The following DPP6 variants were observed in gnomAD, a reference collection of about 807,000 sequenced individuals.
DPP6 encodes the protein dipeptidyl peptidase like 6.
Under a neutral mutation model 122.6 loss-of-function variants are expected in DPP6, and 69 were observed. The ratio of observed to expected loss-of-function variants is 0.56; its 90% CI spans 0.46 to 0.69. DPP6 has a LOEUF of 0.69. Among genes scored for constraint, DPP6 ranks in the 30% least tolerant of loss-of-function variants. The pLI, the probability that DPP6 is intolerant of heterozygous loss-of-function variation, is 0.00. For synonymous variants in DPP6, 418 were observed against 433.1 expected (o/e 0.97, Z 0.43); for missense variants, 928 against 1,116.9 (o/e 0.83, Z 2.41).
intron 1 of DPP6, among the ~76,000 whole-genome samples, chr7:153,928,182 G>A (rs1800993084): frequency 6.6e-6 from 1 of 151,402 alleles, no homozygotes; most frequent in Non-Finnish European, 1.5e-5. Flanking sequence ...AATAGATTTG[G>A]TGTCTACTGA....
intron 1 of DPP6, among the ~76,000 whole-genome samples, chr7:154,090,630 G>A (rs1218085667): frequency 6.6e-6 from 1 of 151,948 alleles, no homozygotes; most frequent in East Asian, 1.9e-4. Context: ...GCAGAGGCTG[G>A]ACTTGCTGCT....
chr7:154,114,287 TG>T (rs1242910943), intron 1 of DPP6, among the ~76,000 whole-genome samples: 2 of 152,172 alleles, frequency 1.3e-5, no homozygotes, highest in African/African-American at 4.8e-5. Flanking sequence ...GGCCCTGTCA[TG>T]CACTGGCTGA....
chr7:154,659,507 G>A (rs1258457392), intron 6 of DPP6, among the ~76,000 whole-genome samples: 1 of 152,202 alleles, frequency 6.6e-6, no homozygotes, highest in Non-Finnish European at 1.5e-5. Context: ...ATATCTGCTA[G>A]GAAGCTCTGT....
At chr7:154,070,197 G>T (rs1342518254) in intron 1 of DPP6, among the ~76,000 whole-genome samples, 1 of 145,710 alleles carries the variant, frequency 6.9e-6, no homozygotes, top group Non-Finnish European at 1.5e-5. Flanking sequence ...TCCATACCGA[G>T]GTATCAGGTA....
chr7:154,643,698 G>C (rs1030333396), intron 6 of DPP6, among the ~76,000 whole-genome samples: 4 of 152,072 alleles, frequency 2.6e-5, no homozygotes, highest in African/African-American at 9.7e-5. Flanking sequence ...TCGATCTCCT[G>C]ACCTCGTGAT....
intron 7 of DPP6, among the ~76,000 whole-genome samples, chr7:154,671,868 A>ACACACACACGTG (rs199888595): frequency 2.7e-4 from 41 of 150,522 alleles, no homozygotes; most frequent in Middle Eastern, 3.4e-3. Flanking sequence ...ACACATGCAC[A>ACACACACACGTG]CACACACACA....
intron 5 of DPP6, among the ~76,000 whole-genome samples, chr7:154,619,745 C>G (rs577683918): frequency 6.6e-6 from 1 of 151,818 alleles, no homozygotes; most frequent in Non-Finnish European, 1.5e-5. Flanking sequence ...CCACATTATA[C>G]GTTATACTTA....
At chr7:154,340,385 T>G (rs1809819449) in intron 1 of DPP6, among the ~76,000 whole-genome samples, 1 of 152,178 alleles carries the variant, frequency 6.6e-6, no homozygotes. Flanking sequence ...CTCACAGGTG[T>G]CCATTGGGTC....
the DPP6 span, among the ~76,000 whole-genome samples, chr7:153,840,347 A>C: frequency 6.6e-6 from 1 of 152,174 alleles, no homozygotes. Flanking sequence ...GAAACTATAG[A>C]ACTGAATTAA....
intron 1 of DPP6, among the ~76,000 whole-genome samples, chr7:153,957,696 C>G (rs560534192): frequency 9.8e-5 from 15 of 152,352 alleles, no homozygotes; most frequent in Admixed American, 2.6e-4. Flanking sequence ...TCTCCACTCT[C>G]TCTGTTTTCT....
Position 154,483,142 on chromosome 7 carries a change from G to T in DPP6, c.457+8105G>T, listed in dbSNP as rs150971009. On this transcript the variant is annotated intron_variant, in intron 3 of 25. Coordinates refer to ENST00000377770, the MANE Select transcript of DPP6 (RefSeq NM_130797.4). The surrounding 1 kb of genome is among the most constrained non-coding windows in gnomAD (Gnocchi z 8.1). ...AGGTGTCTGAGGAAGTGTGGTCAGG[G>T]AGGCAGGAGGAGAACTTCTACCACG... Among the ~76,000 whole-genome samples, 1 of 152,240 alleles carries T rather than the reference G, an allele frequency of 6.6e-6. No individual in the cohort carries two copies. The highest frequency in any genetic ancestry group is 1.5e-5 in the Non-Finnish European group (1 of 68,018).
At chr7:153,872,021 A>T in the DPP6 span, among the ~76,000 whole-genome samples, 1 of 152,212 alleles carries the variant, frequency 6.6e-6, no homozygotes, top group Non-Finnish European at 1.5e-5. Flanking sequence ...CCACATTAAC[A>T]GTACTAATAT....
At position 154,887,752 on chromosome 7, in the gene DPP6, T is replaced by C. The variant is rs1370550847; in HGVS notation, c.2304+18T>C. ...CATACGAGGTGTGTATGGGCACAAC[T>C]AGAGAATGTGATGAGACCAGTCAGC... On this transcript the variant is annotated intron_variant, in intron 23 of 25. Transcript: ENST00000377770. 1.9e-6 allele frequency: 3 copies of C among 1,613,156 alleles called. No individual in the cohort carries two copies. The highest frequency in any genetic ancestry group is 2.7e-5 in the African/African-American group (2 of 74,898).
rs1805032961 is a variant in DPP6 at position 154,877,935 on chromosome 7, C to T, written c.2078+1835C>T. ...TGGGTCAGCAGCGGGCAGTGCCAGC[C>T]ACAGAGGACTCCCAGGACACGGAAG... On this transcript the variant is annotated intron_variant, in intron 20 of 25. Coordinates refer to ENST00000377770, the MANE Select transcript of DPP6 (RefSeq NM_130797.4). This position sits in a 1 kb window ranked among gnomAD's most constrained non-coding sequence, Gnocchi z 5.2. Among the ~76,000 whole-genome samples, 1 of 152,172 alleles carries T rather than the reference C, an allele frequency of 6.6e-6. No homozygotes were observed. Among genetic ancestry groups the T allele is most frequent in the Non-Finnish European group, 1.5e-5 (1 of 68,016 alleles).
intron 1 of DPP6, among the ~76,000 whole-genome samples, chr7:154,331,658 C>T (rs58206363): frequency 0.055 from 8,375 of 152,234 alleles, 723 homozygotes; most frequent in African/African-American, 0.19. Context: ...TCTACCATCC[C>T]GCAGCACATG....
intron 1 of DPP6, among the ~76,000 whole-genome samples, chr7:154,045,216 C>A (rs112103975): frequency 9.7e-5 from 12 of 123,946 alleles, no homozygotes; most frequent in East Asian, 2.5e-4. Context: ...AAAAAAAAAA[C>A]ACTCCCTCCC....
At chr7:154,435,817 G>A (rs1280439786) in intron 1 of DPP6, among the ~76,000 whole-genome samples, 1 of 152,178 alleles carries the variant, frequency 6.6e-6, no homozygotes, top group East Asian at 1.9e-4. Context: ...TTATGTCAGA[G>A]CTTTTCACAG....
rs2291538 is a variant in DPP6 at position 154,446,358 on chromosome 7, C to T, written c.358+30C>T. The stretch of plus-strand genomic sequence containing the variant: ...TGTATTCATTCTTGGAAAAGCAAGT[C>T]GCTGTCAGAGAGAAAGAGCATAATT... On this transcript the variant is annotated intron_variant, in intron 2 of 25. Coordinates refer to ENST00000377770, the MANE Select transcript of DPP6 (RefSeq NM_130797.4). 0.13 allele frequency: 202,955 copies of T among 1,549,952 alleles called. 16,789 individuals carry two copies. Among genetic ancestry groups the T allele is most frequent in the African/African-American group, 0.39 (28,556 of 73,040 alleles).
chr7:154,632,772 G>A (rs1181463941), intron 5 of DPP6, among the ~76,000 whole-genome samples: 1 of 152,152 alleles, frequency 6.6e-6, no homozygotes, highest in Admixed American at 6.5e-5. Context: ...CAGTGTCCAC[G>A]ATGGTACAGA....
Sources: allele counts gnomAD v4.1 joint callset (sites outside exome capture counted in the v4.1 genomes callset), GRCh38; gene constraint gnomAD v4.1.1; non-coding constraint Gnocchi (gnomAD v3.1); transcripts MANE v1.5; gene names NCBI Gene and HGNC (gene_info 2026-07-23, HGNC 2026-07-21).